Variants in RAB22A observed in about 807,000 individuals in gnomAD.
RAB22A encodes the protein ras-related protein Rab-22A.
In RAB22A, 13 loss-of-function variants were observed where a neutral mutation model predicts 30.2. The observed-to-expected ratio is 0.43, with a 90% CI of 0.28 to 0.68. The LOEUF (loss-of-function observed/expected upper bound fraction) is 0.68. Ranked by LOEUF, RAB22A falls within the 30% of genes least tolerant of loss-of-function variation. The probability of loss-of-function intolerance (pLI) is 0.18; values close to 1 mark genes in which losing one functional copy is unlikely to be tolerated. For synonymous variants in RAB22A, 89 were observed against 87.2 expected, an observed-to-expected ratio of 1.02 and a Z score of -0.11; for missense variants, 177 against 246.8, an observed-to-expected ratio of 0.72 and a Z score of 1.89.
chr20:58,351,211 C>G (rs987495525), intron 3 of RAB22A, among the ~76,000 whole-genome samples: 1 of 151,982 alleles, frequency 6.6e-6, no homozygotes, highest in Non-Finnish European at 1.5e-5. Context: ...GTGGCACTTA[C>G]TGTAATCCCA....
At chr20:58,310,237 G>T (rs1049593041) in intron 1 of RAB22A, among the ~76,000 whole-genome samples, 73 of 152,046 alleles carry the variant, frequency 4.8e-4, no homozygotes, top group Non-Finnish European at 1.5e-4. Flanking sequence ...CCTGGAGCCC[G>T]TGGACTCTTC....
At position 58,361,116 on chromosome 20, in the gene RAB22A, G is replaced by A. The variant is rs1987218338; in HGVS notation, c.*1413G>A. 6.6e-6 allele frequency: 1 copy of A among 152,544 alleles called. No homozygotes were observed. The highest frequency in any genetic ancestry group is 1.5e-5 in the Non-Finnish European group (1 of 68,020). 9.4% of individuals were successfully genotyped at this position (152,544 alleles called of 1,614,324 possible). On this transcript the variant is annotated 3_prime_UTR_variant, in exon 7 of 7. Coordinates refer to ENST00000244040, the MANE Select transcript of RAB22A (RefSeq NM_020673.3). The stretch of plus-strand genomic sequence containing the variant: ...GTTTTTAATATCATCTAAAAATAAA[G>A]CATTGAAGTGAAGTTGGTGAAAATT...
intron 2 of RAB22A, among the ~76,000 whole-genome samples, chr20:58,321,497 G>C (rs931141838): frequency 6.6e-6 from 1 of 152,190 alleles, no homozygotes; most frequent in Non-Finnish European, 1.5e-5. Context: ...TAAAGAATGT[G>C]CATTCCGCTA....
At chr20:58,311,218 A>C in intron 2 of RAB22A, 96 bp downstream of exon 2, 1 of 1,159,296 alleles carries the variant, frequency 8.6e-7, no homozygotes, top group Non-Finnish European at 1.3e-6. Flanking sequence ...CTTTGTAGTC[A>C]TTGAATTCTG....
chr20:58,327,630 G>A (rs1455611851), intron 2 of RAB22A, among the ~76,000 whole-genome samples: 4 of 152,206 alleles, frequency 2.6e-5, no homozygotes, highest in African/African-American at 9.7e-5. Context: ...GTTCAGAAGG[G>A]AGTTACTAAA....
chr20:58,357,136 C>T (rs535453101), intron 6 of RAB22A, among the ~76,000 whole-genome samples: 3 of 152,216 alleles, frequency 2.0e-5, no homozygotes, highest in East Asian at 1.9e-4. Flanking sequence ...ACAACCATAC[C>T]GGTAGTGTAT....
chr20:58,351,048 A>C (rs1987039861), intron 3 of RAB22A, among the ~76,000 whole-genome samples: 1 of 152,164 alleles, frequency 6.6e-6, no homozygotes, highest in African/African-American at 2.4e-5. Context: ...CTGTAGAAAA[A>C]CGTGCAGTAG....
chr20:58,350,991 A>G (rs1987038931), intron 3 of RAB22A, among the ~76,000 whole-genome samples: 1 of 152,204 alleles, frequency 6.6e-6, no homozygotes, highest in African/African-American at 2.4e-5. Flanking sequence ...AGACTTTTGC[A>G]AGTCTCTGAT....
chr20:58,332,779 A>C (rs1339455240), intron 2 of RAB22A, among the ~76,000 whole-genome samples: 1 of 152,140 alleles, frequency 6.6e-6, no homozygotes, highest in African/African-American at 2.4e-5. Context: ...GATAAATACA[A>C]AACAAACCAC....
chr20:58,338,249 A>C (rs1317981683), intron 2 of RAB22A, among the ~76,000 whole-genome samples: 1 of 151,308 alleles, frequency 6.6e-6, no homozygotes, highest in Non-Finnish European at 1.5e-5. Context: ...CTGGTCTTGA[A>C]CTCCTGACCT....
chr20:58,324,148 C>G (rs1484680663), intron 2 of RAB22A, among the ~76,000 whole-genome samples: 1 of 152,110 alleles, frequency 6.6e-6, no homozygotes, highest in Non-Finnish European at 1.5e-5. Context: ...GCTCTTATTC[C>G]TTCCTTAAGT....
At chr20:58,338,676 G>A (rs1231468658) in intron 2 of RAB22A, among the ~76,000 whole-genome samples, 1 of 152,172 alleles carries the variant, frequency 6.6e-6, no homozygotes, top group Non-Finnish European at 1.5e-5. Context: ...CTTAAATTCA[G>A]CTAACCCTCA....
chr20:58,358,731 C>A (rs1469167769), intron 6 of RAB22A, among the ~76,000 whole-genome samples: 1 of 152,058 alleles, frequency 6.6e-6, no homozygotes, highest in Non-Finnish European at 1.5e-5. Flanking sequence ...CTGGTCTCTA[C>A]TAAAAATATA....
At chr20:58,312,654 A>G (rs1986254676) in intron 2 of RAB22A, among the ~76,000 whole-genome samples, 1 of 150,966 alleles carries the variant, frequency 6.6e-6, no homozygotes, top group Non-Finnish European at 1.5e-5. Flanking sequence ...ATGCCTGGCT[A>G]ATTTTTTTTT....
In RAB22A at chr20:58,354,144, G is replaced by T. The variant is rs752150367; in HGVS notation, c.378-12G>T. On this transcript the variant is annotated splice_polypyrimidine_tract_variant and intron_variant, in intron 5 of 6. Coordinates refer to ENST00000244040, the MANE Select transcript of RAB22A (RefSeq NM_020673.3). ...TGGGTAGAATTTCTGATATGTAGTT[G>T]TTGCCTTCCAGAGAAGTCATGGAGA... The T allele has an allele frequency of 1.1e-4, 174 of 1,594,798 alleles. No homozygotes were observed. The highest frequency in any genetic ancestry group is 1.4e-4 in the Non-Finnish European group (158 of 1,164,026).
Position 58,323,377 on chromosome 20 carries a change from A to AT in RAB22A, c.116+12262dup, listed in dbSNP as rs199598627. On this transcript the variant is annotated intron_variant, in intron 2 of 6. Transcript: ENST00000244040. ...TTTATAGAGCTTATCTCTATACATT[A>AT]TTTTTTTGTGTTCTCTGTATACTTT... Among the ~76,000 whole-genome samples the AT allele has an allele frequency of 3.0e-3, 463 of 152,154 alleles. 8 individuals carry two copies. The highest frequency in any genetic ancestry group is 0.028 in the Admixed American group (427 of 15,278).
Position 58,338,647 on chromosome 20 carries a change from A to G in RAB22A, c.117-5071A>G, listed in dbSNP as rs117128578. Among the ~76,000 whole-genome samples the G allele has an allele frequency of 2.7e-3, 417 of 152,336 alleles. 4 individuals are homozygous for G. Among genetic ancestry groups the G allele is most frequent in the East Asian group, 0.026 (136 of 5,192 alleles). On this transcript the variant is annotated intron_variant, in intron 2 of 6. Transcript: ENST00000244040. ...ACTTCCGGCTTCTTGAAGCCACTCT[A>G]ACATAAGCCAAATGTGCGCTTAAAT...
intron 2 of RAB22A, among the ~76,000 whole-genome samples, chr20:58,332,937 G>C (rs1986686586): frequency 6.6e-6 from 1 of 152,082 alleles, no homozygotes; most frequent in Non-Finnish European, 1.5e-5. Flanking sequence ...AGCACAAACA[G>C]TGGAGGTCAG....
At position 58,361,614 on chromosome 20, in the gene RAB22A, C is replaced by T. The variant is rs1217936432; in HGVS notation, c.*1911C>T. On this transcript the variant is annotated 3_prime_UTR_variant, in exon 7 of 7. Coordinates refer to ENST00000244040, the MANE Select transcript of RAB22A (RefSeq NM_020673.3). The stretch of plus-strand genomic sequence containing the variant: ...AAGTAGTTTGACTTTCTTCTGTATA[C>T]ATCCAGATGGATCCCAGGCATCCGG... 1 of 152,230 alleles carries T rather than the reference C, an allele frequency of 6.6e-6. No homozygotes were observed. The highest frequency in any genetic ancestry group is 1.5e-5 in the Non-Finnish European group (1 of 68,050). The allele number at this position is 152,230 out of a possible 1,614,324, so 9.4% of individuals were successfully genotyped here.
Sources: gnomAD v4.1 joint callset for allele counts (sites outside exome capture counted in the v4.1 genomes callset) on GRCh38, gnomAD v4.1.1 for gene constraint, MANE v1.5 for transcripts, NCBI Gene and HGNC (gene_info 2026-07-23, HGNC 2026-07-21) for gene names.